HHAT: variants seen among roughly 807,000 people sequenced by gnomAD.
HHAT encodes hedgehog acyltransferase.
In HHAT, 47 loss-of-function variants were observed where a neutral mutation model predicts 70.8. That is an observed-to-expected ratio of 0.66 (90% CI 0.53 to 0.85). The LOEUF is 0.85. HHAT is among the 40% of genes least tolerant of loss of function. The pLI is 0.00. For missense variants in HHAT, 609 were observed against 604.8 expected (o/e 1.01, Z -0.07); for synonymous variants, 228 against 247.6 (o/e 0.92, Z 0.74).
At chr1:210,544,741 A>G (rs918291653) in intron 9 of HHAT, among the ~76,000 whole-genome samples, 1 of 152,084 alleles carries the variant, frequency 6.6e-6, no homozygotes, top group Non-Finnish European at 1.5e-5. Flanking sequence ...TGGTTCTCTT[A>G]TAGGTGTCCT....
chr1:210,369,116 T>C (rs2089304782), intron 3 of HHAT, among the ~76,000 whole-genome samples: 1 of 152,008 alleles, frequency 6.6e-6, no homozygotes, highest in African/African-American at 2.4e-5. Context: ...TTGCTGATTC[T>C]CCCTCTGTAG....
chr1:210,592,892 T>TA (rs397958381), intron 10 of HHAT, among the ~76,000 whole-genome samples: 1 of 150,894 alleles, frequency 6.6e-6, no homozygotes. Flanking sequence ...TTTTTTTTTT[T>TA]ATTATACTTT....
intron 7 of HHAT, among the ~76,000 whole-genome samples, chr1:210,436,167 CT>C (rs2093369771): frequency 6.6e-6 from 1 of 151,774 alleles, no homozygotes; most frequent in Admixed American, 6.6e-5. Flanking sequence ...TAATTTGGTT[CT>C]TCTGCATGTG....
intron 7 of HHAT, among the ~76,000 whole-genome samples, chr1:210,437,657 GC>G (rs1243031575): frequency 6.6e-6 from 1 of 151,774 alleles, no homozygotes; most frequent in African/African-American, 2.4e-5. Context: ...ATGTGCACAG[GC>G]CATGCTACCT....
intron 7 of HHAT, among the ~76,000 whole-genome samples, chr1:210,426,490 CT>C: frequency 1.3e-5 from 2 of 152,110 alleles, no homozygotes; most frequent in Non-Finnish European, 2.9e-5. Context: ...TCATAGATGG[CT>C]TTTATTATTT....
rs1041579700 is a variant in HHAT at position 210,340,418 on chromosome 1, T to C, written c.-43-8515T>C. ...AAAGGCAAAAGTCTCATACCACTTTTTCCGAATATGCTAGAATATTGCACT... is the reference window on the plus strand; with the variant it reads ...AAAGGCAAAAGTCTCATACCACTTTCTCCGAATATGCTAGAATATTGCACT... On this transcript the variant is annotated intron_variant, in intron 1 of 11. Coordinates refer to ENST00000261458, the MANE Select transcript of HHAT (RefSeq NM_018194.6). 3.9e-5 allele frequency among the ~76,000 whole-genome samples: 6 copies of C among 152,162 alleles called. No homozygotes were observed. The East Asian group carries it at 1.2e-3, about 29-fold the overall frequency.
At chr1:210,673,600 T>C (rs1281001882) in intron 11 of HHAT, among the ~76,000 whole-genome samples, 4 of 151,222 alleles carry the variant, frequency 2.6e-5, no homozygotes, top group Admixed American at 6.6e-5. Context: ...TTTTTTTTTT[T>C]TTTTAAACCA....
chr1:210,553,913 A>G (rs2095550166), intron 9 of HHAT, among the ~76,000 whole-genome samples: 1 of 152,108 alleles, frequency 6.6e-6, no homozygotes. Flanking sequence ...GGGCTGACAT[A>G]TTACTAGAAA....
chr1:210,645,568 T>A (rs189684501), intron 11 of HHAT, among the ~76,000 whole-genome samples: 12 of 152,360 alleles, frequency 7.9e-5, no homozygotes, highest in Admixed American at 7.2e-4. Flanking sequence ...TTTTGACAAG[T>A]TGATATACCT....
intron 7 of HHAT, among the ~76,000 whole-genome samples, chr1:210,452,189 C>T (rs2093769269): frequency 6.6e-6 from 1 of 152,158 alleles, no homozygotes; most frequent in South Asian, 2.1e-4. Flanking sequence ...TGGCATTCTC[C>T]CCCTTCTCCC....
At chr1:210,632,758 C>G (rs981761599) in intron 11 of HHAT, among the ~76,000 whole-genome samples, 1 of 152,192 alleles carries the variant, frequency 6.6e-6, no homozygotes, top group African/African-American at 2.4e-5. Context: ...TAAATAACTT[C>G]TTCTTACTTC....
intron 7 of HHAT, among the ~76,000 whole-genome samples, chr1:210,433,680 T>A (rs1475203498): frequency 1.3e-5 from 2 of 151,982 alleles, no homozygotes; most frequent in Non-Finnish European, 2.9e-5. Context: ...TTTCTTTCAT[T>A]TCCCTTAATC....
At chr1:210,379,605 A>G (rs2148110769) in intron 3 of HHAT, among the ~76,000 whole-genome samples, 1 of 152,284 alleles carries the variant, frequency 6.6e-6, no homozygotes, top group Non-Finnish European at 1.5e-5. Flanking sequence ...GGGATCTTGA[A>G]CAGCTGAATT....
intron 10 of HHAT, among the ~76,000 whole-genome samples, chr1:210,607,622 A>T (rs1321770395): frequency 6.6e-6 from 1 of 152,118 alleles, no homozygotes; most frequent in Non-Finnish European, 1.5e-5. Flanking sequence ...CTTGGGTGTG[A>T]TGGTCGACAG....
intron 8 of HHAT, among the ~76,000 whole-genome samples, chr1:210,507,060 A>G (rs937359740): frequency 1.3e-5 from 2 of 152,210 alleles, no homozygotes; most frequent in Non-Finnish European, 2.9e-5. Flanking sequence ...ATATTTGTTA[A>G]ATGAGTCTGT....
chr1:210,623,699 T>C, intron 11 of HHAT, 29 bp downstream of exon 11: 1 of 1,607,102 alleles, frequency 6.2e-7, no homozygotes, highest in Non-Finnish European at 8.5e-7. Context: ...CTGTTTTCAG[T>C]CAGTTTCTTG....
At chr1:210,485,302 C>T (rs2094457845) in intron 8 of HHAT, among the ~76,000 whole-genome samples, 1 of 152,198 alleles carries the variant, frequency 6.6e-6, no homozygotes. Flanking sequence ...AGTCTGATCA[C>T]TCTGAGGCAA....
intron 6 of HHAT, among the ~76,000 whole-genome samples, chr1:210,410,074 A>G (rs148164298): frequency 0.028 from 4,261 of 150,498 alleles, 226 homozygotes; most frequent in African/African-American, 0.099. Flanking sequence ...TTTTTTTGAG[A>G]CAGAGTCTGG....
intron 3 of HHAT, among the ~76,000 whole-genome samples, chr1:210,385,768 A>G (rs2090999680): frequency 6.6e-6 from 1 of 152,256 alleles, no homozygotes; most frequent in South Asian, 2.1e-4. Context: ...TGGGAAGCAC[A>G]TGGGTCTAGC....
Sources: gnomAD v4.1 joint callset for allele counts (sites outside exome capture counted in the v4.1 genomes callset) on GRCh38, gnomAD v4.1.1 for gene constraint, MANE v1.5 for transcripts, NCBI Gene and HGNC (gene_info 2026-07-23, HGNC 2026-07-21) for gene names.